Variants in LRRK2 observed in about 807,000 individuals in gnomAD.
The protein encoded by LRRK2 is leucine rich repeat kinase 2.
A neutral mutation model predicts 302.6 loss-of-function variants in LRRK2; 203 were observed. That is an observed-to-expected ratio of 0.67 (90% CI 0.60 to 0.75). The LOEUF (loss-of-function observed/expected upper bound fraction) is 0.75. Among genes scored for constraint, LRRK2 ranks in the 30% least tolerant of loss-of-function variants. The probability of loss-of-function intolerance (pLI) is 0.00; values close to 1 mark genes in which losing one functional copy is unlikely to be tolerated. For synonymous variants in LRRK2, 1,066 were observed against 1,031.9 expected (o/e 1.03, Z -0.63); for missense variants, 2,830 against 2,951.0 (o/e 0.96, Z 0.95).
chr12:40,315,381 G>T, intron 33 of LRRK2, 81 bp downstream of exon 33: 1 of 1,233,724 alleles, frequency 8.1e-7, no homozygotes, highest in Non-Finnish European at 1.2e-6. Flanking sequence ...GAGCATTTTA[G>T]AATTTGGGTT....
At chr12:40,300,674 G>A (rs1237177811) in intron 25 of LRRK2, 4 of 404,896 alleles carry the variant, frequency 9.9e-6, no homozygotes, top group African/African-American at 8.3e-5. Flanking sequence ...TAGAGTTGTT[G>A]ACTCACTCAC....
chr12:40,259,361 C>G, intron 12 of LRRK2, 119 bp from the exon 13 acceptor site: 1 of 1,271,540 alleles, frequency 7.9e-7, no homozygotes, highest in Non-Finnish European at 1.1e-6. Flanking sequence ...AATGCATTTT[C>G]ATATAGTCTT....
At chr12:40,309,302 G>GTGT (rs1944954007) in intron 30 of LRRK2, 69 bp downstream of exon 30, 1 of 1,539,704 alleles carries the variant, frequency 6.5e-7, no homozygotes, top group African/African-American at 1.4e-5. Context: ...GTGTGTGTGT[G>GTGT]TAAGTTAATT....
intron 44 of LRRK2, 89 bp downstream of exon 44, chr12:40,351,822 G>A (rs1240326597): frequency 1.0e-5 from 13 of 1,282,254 alleles, no homozygotes; most frequent in Non-Finnish European, 9.9e-6. Context: ...AAGAGCCAAT[G>A]TAGGATTATT....
At chr12:40,366,635 C>T (rs1946888473) in intron 49 of LRRK2, 1 of 211,280 alleles carries the variant, frequency 4.7e-6, no homozygotes, top group South Asian at 7.0e-5. Flanking sequence ...TCTAAATACT[C>T]ATATTTGTAC....
intron 16 of LRRK2, among the ~76,000 whole-genome samples, chr12:40,275,543 ACAAAT>A (rs2136610224): frequency 6.6e-6 from 1 of 152,278 alleles, no homozygotes; most frequent in African/African-American, 2.4e-5. Context: ...TTGTAGCAAA[ACAAAT>A]AGTTTTTCTT....
At chr12:40,312,184 T>G (rs1213214989) in intron 31 of LRRK2, among the ~76,000 whole-genome samples, 5 of 152,170 alleles carry the variant, frequency 3.3e-5, no homozygotes. Context: ...GTCTAATAGA[T>G]ATCATTACCA....
At chr12:40,284,361 C>T in intron 19 of LRRK2, among the ~76,000 whole-genome samples, 1 of 149,444 alleles carries the variant, frequency 6.7e-6, no homozygotes. Flanking sequence ...ATAGTGGAAG[C>T]TTTTTGAAGG....
intron 47 of LRRK2, among the ~76,000 whole-genome samples, chr12:40,361,981 A>G (rs1946722228): frequency 6.6e-6 from 1 of 152,122 alleles, no homozygotes; most frequent in African/African-American, 2.4e-5. Flanking sequence ...TAGGTCGGCA[A>G]GCATGATGTT....
Position 40,298,458 on chromosome 12 carries a change from TGTG to T in LRRK2, c.3315_3317del (p.Val1106del). ...CTTTTGTACCTGAGAACCTCACTGA[TGTG>T]GTAGAGAAACTGGAGCAGCTCATTT... On this transcript the variant is annotated inframe_deletion, in exon 24 of 51. Transcript: ENST00000298910. 1 of 1,613,938 alleles carries T rather than the reference TGTG, an allele frequency of 6.2e-7. No homozygotes were observed. The highest frequency in any genetic ancestry group is 8.5e-7 in the Non-Finnish European group (1 of 1,179,956).
At chr12:40,295,354 C>T (rs555427841) in intron 22 of LRRK2, 73 bp from the exon 23 acceptor site, 118 of 1,377,896 alleles carry the variant, frequency 8.6e-5, no homozygotes, top group Non-Finnish European at 1.0e-4. Context: ...CTAGGAGGTG[C>T]TCACTAAACT....
intron 32 of LRRK2, 123 bp downstream of exon 32, chr12:40,314,296 C>A: frequency 2.0e-6 from 2 of 982,844 alleles, no homozygotes; most frequent in Non-Finnish European, 3.1e-6. Flanking sequence ...TTTAATAGGC[C>A]ACTGATTTTT....
At chr12:40,358,927 G>A (rs535106290) in intron 46 of LRRK2, among the ~76,000 whole-genome samples, 59 of 151,760 alleles carry the variant, frequency 3.9e-4, no homozygotes, top group African/African-American at 9.4e-4. Flanking sequence ...TATAGAGATC[G>A]TTCATCATCT....
chr12:40,225,797 A>C (rs1940844900), intron 2 of LRRK2, among the ~76,000 whole-genome samples, 157 bp downstream of exon 2: 1 of 152,186 alleles, frequency 6.6e-6, no homozygotes, highest in South Asian at 2.1e-4. Flanking sequence ...TTGTTAAATC[A>C]TTACGCAATG....
chr12:40,257,548 T>G (rs1448702633), intron 12 of LRRK2, among the ~76,000 whole-genome samples, 171 bp downstream of exon 12: 1 of 152,202 alleles, frequency 6.6e-6, no homozygotes, highest in Non-Finnish European at 1.5e-5. Flanking sequence ...ACTTACTTTA[T>G]CTGAACACTG....
At chr12:40,248,450 A>G (rs1942106700) in intron 7 of LRRK2, among the ~76,000 whole-genome samples, 1 of 152,152 alleles carries the variant, frequency 6.6e-6, no homozygotes, top group African/African-American at 2.4e-5. Flanking sequence ...AAAGTGATCA[A>G]ATTGATCTTC....
chr12:40,355,964 T>A, intron 45 of LRRK2, 151 bp from the exon 46 acceptor site: 1 of 607,930 alleles, frequency 1.6e-6, no homozygotes, highest in East Asian at 2.8e-5. Context: ...TAATTCCAAG[T>A]CTTCTAAAGT....
intron 47 of LRRK2, among the ~76,000 whole-genome samples, chr12:40,361,558 G>A (rs1454145429): frequency 3.3e-5 from 5 of 151,952 alleles, no homozygotes; most frequent in Admixed American, 1.3e-4. Context: ...TAAAAAGAAA[G>A]GGCCTCCAGT....
chr12:40,262,525 A>T lies in LRRK2; in HGVS notation c.1544-1264A>T, dbSNP rs546734037. ...CTGTTGTATTTAAAGCACTATGTCT[A>T]GAATCCTTAAGGTATCGGGAGATGA... On this transcript the variant is annotated intron_variant, in intron 13 of 50. Coordinates refer to ENST00000298910, the MANE Select transcript of LRRK2 (RefSeq NM_198578.4). 2.6e-5 allele frequency among the ~76,000 whole-genome samples: 4 copies of T among 152,292 alleles called. No individual in the cohort carries two copies. In the South Asian group the frequency reaches 6.2e-4, roughly 24 times the overall value.
Sources: allele counts gnomAD v4.1 joint callset (sites outside exome capture counted in the v4.1 genomes callset), GRCh38; gene constraint gnomAD v4.1.1; transcripts MANE v1.5; gene names NCBI Gene and HGNC (gene_info 2026-07-23, HGNC 2026-07-21).